MAP3K15: variants seen among roughly 807,000 people sequenced by gnomAD.
The protein encoded by MAP3K15 is mitogen-activated protein kinase kinase kinase 15.
A neutral mutation model predicts 99.5 loss-of-function variants in MAP3K15; 124 were observed. That is an observed-to-expected ratio of 1.25 (90% CI 1.08 to 1.45). The LOEUF (loss-of-function observed/expected upper bound fraction) is 1.45. Among genes scored for constraint, MAP3K15 ranks in the 40% most tolerant of loss-of-function variants. The pLI is 0.00. For synonymous variants in MAP3K15, 494 were observed against 439.6 expected, an observed-to-expected ratio of 1.12 and a Z score of -1.55; for missense variants, 1,242 against 1,079.7, an observed-to-expected ratio of 1.15 and a Z score of -2.11.
At chrX:19,507,816 T>C (rs933455004) in intron 1 of MAP3K15, among the ~76,000 whole-genome samples, 3 of 110,063 alleles carry the variant, frequency 2.7e-5, no homozygotes, top group African/African-American at 9.9e-5. Context: ...AACCTACAAC[T>C]GCTCTAAAAA....
intron 6 of MAP3K15, among the ~76,000 whole-genome samples, chrX:19,436,673 T>A (rs1419883030): frequency 9.0e-6 from 1 of 111,168 alleles, no homozygotes; most frequent in Non-Finnish European, 1.9e-5. Context: ...GTGTCCCAAA[T>A]CAAACTTTTT....
intron 15 of MAP3K15, 114 bp downstream of exon 15, chrX:19,398,112 G>T: frequency 1.2e-6 from 1 of 853,601 alleles, no homozygotes; most frequent in Non-Finnish European, 1.6e-6. Context: ...AGAATGACAG[G>T]TTTTGTGGTA....
chrX:19,369,008 A>G, intron 25 of MAP3K15, 46 bp downstream of exon 25: 2 of 1,124,209 alleles, frequency 1.8e-6, no homozygotes, highest in Non-Finnish European at 2.3e-6. Context: ...GGCTCAGGCC[A>G]CTGTCCCAGC....
intron 6 of MAP3K15, among the ~76,000 whole-genome samples, chrX:19,451,723 T>C (rs1478768469): frequency 3.7e-5 from 4 of 109,418 alleles, no homozygotes; most frequent in Non-Finnish European, 7.6e-5. Flanking sequence ...GCTGGTGAGA[T>C]GTAAATGGGG....
intron 9 of MAP3K15, among the ~76,000 whole-genome samples, chrX:19,417,356 C>A (rs1458586147): frequency 8.9e-6 from 1 of 112,169 alleles, no homozygotes. Context: ...TAATACTGCG[C>A]TTTTCCAATG....
chrX:19,413,536 G>A (rs775302631), intron 10 of MAP3K15, 72 bp from the exon 11 acceptor site: 20 of 752,977 alleles, frequency 2.7e-5, no homozygotes, highest in South Asian at 7.9e-5. Flanking sequence ...GCGAGGAGGC[G>A]GGGAGGTCCG....
At chrX:19,377,985 C>T (rs1186157738) in intron 19 of MAP3K15, among the ~76,000 whole-genome samples, 7 of 112,082 alleles carry the variant, frequency 6.2e-5, no homozygotes, top group Non-Finnish European at 9.4e-5. Context: ...GGGGCCTCGC[C>T]GGGCTGGAGA....
At chrX:19,509,588 A>G (rs1277621241) in intron 1 of MAP3K15, among the ~76,000 whole-genome samples, 1 of 112,107 alleles carries the variant, frequency 8.9e-6, no homozygotes, top group Non-Finnish European at 1.9e-5. Flanking sequence ...GGACACAGCT[A>G]AAGTAGTGTT....
chrX:19,388,643 A>G (rs2063507236), intron 18 of MAP3K15, among the ~76,000 whole-genome samples: 1 of 111,958 alleles, frequency 8.9e-6, no homozygotes, highest in Non-Finnish European at 1.9e-5. Context: ...GAGCATTTCT[A>G]TTTTACTTAC....
Position 19,380,202 on chromosome X carries a change from G to A in MAP3K15, c.2507C>T (p.Ser836Phe). The A allele has an allele frequency of 1.7e-6, 2 of 1,205,793 alleles. No individual in the cohort carries two copies. Among genetic ancestry groups the A allele is most frequent in the Non-Finnish European group, 2.2e-6 (2 of 893,444 alleles). The change falls in exon 19 of 29, where the codon TCC (serine) becomes TTC (phenylalanine). Residue 836 changes from serine (S) to phenylalanine (F), a missense_variant. Coordinates refer to ENST00000338883, the MANE Select transcript of MAP3K15 (RefSeq NM_001001671.4). ...RGYGAPADIWSLGCTIIEMAT... is the reference protein window; with the variant it reads ...RGYGAPADIWFLGCTIIEMAT... ...CATCTCAATGATGGTGCAGCCCAGGGACCAGATATCGGCTGGGGCACCATA... is the reference window on the plus strand; with the variant it reads ...CATCTCAATGATGGTGCAGCCCAGGAACCAGATATCGGCTGGGGCACCATA...
intron 18 of MAP3K15, among the ~76,000 whole-genome samples, chrX:19,384,776 A>C (rs904890638): frequency 3.8e-5 from 4 of 105,060 alleles, no homozygotes; most frequent in Admixed American, 3.1e-4. Context: ...AAAAAAAAAA[A>C]AAAACTGTAC....
At chrX:19,512,121 G>C (rs945441141) in intron 1 of MAP3K15, among the ~76,000 whole-genome samples, 2 of 110,939 alleles carry the variant, frequency 1.8e-5, no homozygotes, top group African/African-American at 6.6e-5. Flanking sequence ...TGAACAATGA[G>C]AACCCATGGA....
At position 19,515,055 on chromosome X, in the gene MAP3K15, C is replaced by T. The variant is rs1180307853; in HGVS notation, c.207G>A (p.Glu69=). The T allele has an allele frequency of 9.0e-6, 9 of 999,092 alleles. No homozygotes were observed. The East Asian group carries it at 3.7e-4, about 42-fold the overall frequency. 82.3% of individuals were successfully genotyped at this position (999,092 alleles called of 1,213,427 possible). A position where few individuals can be genotyped will look rare whatever the true frequency, so the allele number is the denominator to read the frequency against. ...RALRAVYVRS[E]SSQGGAAGGP... ...CGCCGGCCGCGCCGCCCTGGGAGCT[C>T]TCACTGCGCACGTATACTGCCCGCA... Residue 69 remains glutamate, a synonymous_variant, in exon 1 of 29, where the codon GAG becomes GAA. Transcript: ENST00000338883.
chrX:19,408,205 G>A (rs1404238559), intron 12 of MAP3K15, among the ~76,000 whole-genome samples: 2 of 111,642 alleles, frequency 1.8e-5, no homozygotes, highest in Non-Finnish European at 1.9e-5. Flanking sequence ...CATGGGTCCC[G>A]GGGAGGGGTG....
intron 6 of MAP3K15, among the ~76,000 whole-genome samples, chrX:19,445,589 C>CAAA (rs764600771): frequency 4.1e-3 from 157 of 38,506 alleles, no homozygotes; most frequent in African/African-American, 0.011. Flanking sequence ...GACTCTGTCT[C>CAAA]AAAAAAAAAA....
intron 3 of MAP3K15, among the ~76,000 whole-genome samples, chrX:19,473,404 A>G (rs2064220327): frequency 2.7e-5 from 3 of 112,555 alleles, no homozygotes; most frequent in South Asian, 3.7e-4. Context: ...GAAATTAAAA[A>G]TAAAAACAAT....
intron 1 of MAP3K15, among the ~76,000 whole-genome samples, chrX:19,505,873 G>C (rs888432454): frequency 9.3e-6 from 1 of 107,413 alleles, no homozygotes; most frequent in Non-Finnish European, 1.9e-5. Flanking sequence ...CAGCCTCCCA[G>C]GTAGCTGGGA....
At position 19,361,536 on chromosome X, in the gene MAP3K15, T is replaced by A; in HGVS notation, c.3737A>T (p.Asp1246Val). Residue 1246 changes from aspartate (D) to valine (V), a missense_variant, in exon 27 of 29, where the codon GAC becomes GTC. By Grantham distance (152) the Asp-to-Val change is radical. Coordinates refer to ENST00000338883, the MANE Select transcript of MAP3K15 (RefSeq NM_001001671.4). Reference sequence around the variant, plus strand: ...ATCAGCTCCTTGCAGCCGCAACCAGTCTATAAGCTCTTTATCTGTTCTCTG... The same window carrying A: ...ATCAGCTCCTTGCAGCCGCAACCAGACTATAAGCTCTTTATCTGTTCTCTG... ...YGQRTDKELI[D>V]WLRLQGADAK... The A allele has an allele frequency of 8.3e-7, 1 of 1,211,656 alleles. No homozygotes were observed. Among genetic ancestry groups the A allele is most frequent in the Non-Finnish European group, 1.1e-6 (1 of 895,191 alleles).
At chrX:19,505,090 C>T (rs2064466748) in intron 1 of MAP3K15, among the ~76,000 whole-genome samples, 1 of 110,192 alleles carries the variant, frequency 9.1e-6, no homozygotes, top group Non-Finnish European at 1.9e-5. Flanking sequence ...GAAAAAGTTA[C>T]CTAGCCTCCA....
Sources: gnomAD v4.1 joint callset for allele counts (sites outside exome capture counted in the v4.1 genomes callset) on GRCh38, gnomAD v4.1.1 for gene constraint, MANE v1.5 for transcripts, NCBI Gene and HGNC (gene_info 2026-07-23, HGNC 2026-07-21) for gene names.